CTTNBP2NL: variants seen among roughly 807,000 people sequenced by gnomAD.
The protein encoded by CTTNBP2NL is CTTNBP2 N-terminal-like protein.
CTTNBP2NL carries 16 observed loss-of-function variants against 32.5 expected under a neutral mutation model. The ratio of observed to expected loss-of-function variants is 0.49; its 90% CI spans 0.33 to 0.75. CTTNBP2NL has a LOEUF of 0.75. CTTNBP2NL is among the 30% of genes least tolerant of loss of function. CTTNBP2NL has a pLI of 0.02. For synonymous variants in CTTNBP2NL, 298 were observed against 289.4 expected (o/e 1.03, Z -0.30); for missense variants, 645 against 756.0 (o/e 0.85, Z 1.72).
At chr1:112,425,941 T>C (rs192523477) in intron 3 of CTTNBP2NL, among the ~76,000 whole-genome samples, 2 of 149,248 alleles carry the variant, frequency 1.3e-5, no homozygotes, top group African/African-American at 4.9e-5. Flanking sequence ...ACTTACTTCT[T>C]TCTAATCTGG....
chr1:112,449,426 T>TATG (rs1650155845), intron 4 of CTTNBP2NL, among the ~76,000 whole-genome samples: 3 of 143,706 alleles, frequency 2.1e-5, no homozygotes, highest in Middle Eastern at 3.5e-3. Context: ...TCCAAAACAC[T>TATG]TTGTATGTTT....
intron 3 of CTTNBP2NL, among the ~76,000 whole-genome samples, chr1:112,417,955 T>C (rs1281031423): frequency 6.6e-6 from 1 of 152,208 alleles, no homozygotes; most frequent in Non-Finnish European, 1.5e-5. Flanking sequence ...TATGGCAACT[T>C]ACCAATTTTC....
At chr1:112,406,243 C>CATTAACATTAA (rs1648662155) in intron 1 of CTTNBP2NL, among the ~76,000 whole-genome samples, 1 of 151,962 alleles carries the variant, frequency 6.6e-6, no homozygotes, top group Non-Finnish European at 1.5e-5. Flanking sequence ...ATTAACAACT[C>CATTAACATTAA]TGGCCTCAGT....
intron 3 of CTTNBP2NL, among the ~76,000 whole-genome samples, chr1:112,446,125 T>C (rs189822107): frequency 4.0e-5 from 6 of 151,856 alleles, no homozygotes; most frequent in African/African-American, 1.5e-4. Flanking sequence ...TTCAGCTGCA[T>C]AAAGAGATTA....
intron 1 of CTTNBP2NL, among the ~76,000 whole-genome samples, chr1:112,408,047 ATGT>A (rs1648729222): frequency 1.3e-5 from 2 of 151,488 alleles, no homozygotes; most frequent in African/African-American, 4.8e-5. Flanking sequence ...GGATTTTGCC[ATGT>A]TGTCCAGGCT....
chr1:112,410,208 C>G (rs1648811745), intron 1 of CTTNBP2NL, among the ~76,000 whole-genome samples: 1 of 152,176 alleles, frequency 6.6e-6, no homozygotes, highest in Non-Finnish European at 1.5e-5. Context: ...GCTTGACCAA[C>G]ATGGAGAAAC....
chr1:112,448,388 A>G (rs886606843), intron 3 of CTTNBP2NL, among the ~76,000 whole-genome samples: 3 of 152,234 alleles, frequency 2.0e-5, no homozygotes, highest in African/African-American at 7.2e-5. Context: ...CACACTTTAT[A>G]TATCTGCTGG....
intron 4 of CTTNBP2NL, among the ~76,000 whole-genome samples, chr1:112,450,537 T>G (rs1301222643): frequency 6.6e-6 from 1 of 152,160 alleles, no homozygotes; most frequent in African/African-American, 2.4e-5. Context: ...ACAACATTCT[T>G]GTTTAATAGG....
intron 3 of CTTNBP2NL, among the ~76,000 whole-genome samples, chr1:112,444,782 G>A (rs576779633): frequency 2.0e-5 from 3 of 152,204 alleles, no homozygotes; most frequent in East Asian, 1.9e-4. Context: ...GAATATAGGT[G>A]TTTGGTCTTT....
At chr1:112,455,514 T>G (rs982253768) in intron 5 of CTTNBP2NL, among the ~76,000 whole-genome samples, 5 of 152,134 alleles carry the variant, frequency 3.3e-5, no homozygotes, top group Admixed American at 2.6e-4. Context: ...CAAAAAAAAG[T>G]ATGATTCAAA....
At chr1:112,428,371 T>A (rs896110883) in intron 3 of CTTNBP2NL, among the ~76,000 whole-genome samples, 19 of 152,350 alleles carry the variant, frequency 1.2e-4, no homozygotes, top group Non-Finnish European at 4.4e-5. Flanking sequence ...TTATTCACTT[T>A]GTAGGAAAAT....
intron 1 of CTTNBP2NL, among the ~76,000 whole-genome samples, chr1:112,398,221 T>G (rs1356520829): frequency 6.6e-6 from 1 of 152,214 alleles, no homozygotes; most frequent in African/African-American, 2.4e-5. Context: ...GCAAATAATA[T>G]TCTTTTATTA....
intron 1 of CTTNBP2NL, among the ~76,000 whole-genome samples, chr1:112,409,127 CAA>C (rs36002206): frequency 1.2e-4 from 10 of 80,230 alleles, no homozygotes; most frequent in Admixed American, 2.7e-4. Flanking sequence ...GACTCTGTCT[CAA>C]AAAAAAAAAA....
rs1162744520 is a variant in CTTNBP2NL, at chr1:112,457,352, T to C, written c.1860T>C (p.Ser620=). 2 of 1,614,194 alleles carry C rather than the reference T, an allele frequency of 1.2e-6. No individual in the cohort carries two copies. The highest frequency in any genetic ancestry group is 1.7e-6 in the Non-Finnish European group (2 of 1,180,036). ...CAGAAGACCTTGCCAGCAGCTGCTCTTCCAATACTGTTGTAGCAAATGGTA... is the reference window on the plus strand; with the variant it reads ...CAGAAGACCTTGCCAGCAGCTGCTCCTCCAATACTGTTGTAGCAAATGGTA... ...TTAEDLASSC[S]SNTVVANGKD... is the part of the protein sequence containing the mutation. Residue 620 remains serine, a synonymous_variant, in exon 6 of 6, where the codon TCT becomes TCC. Transcript: ENST00000271277.
At chr1:112,439,934 A>G (rs1570738317) in intron 3 of CTTNBP2NL, among the ~76,000 whole-genome samples, 1 of 152,250 alleles carries the variant, frequency 6.6e-6, no homozygotes, top group African/African-American at 2.4e-5. Context: ...TCCTCTAAAC[A>G]TTAATGATAT....
chr1:112,435,011 C>T (rs140907825), intron 3 of CTTNBP2NL, among the ~76,000 whole-genome samples: 4,327 of 151,926 alleles, frequency 0.028, 199 homozygotes, highest in African/African-American at 0.098. Flanking sequence ...CACATGGTGG[C>T]ACGCACCTGT....
intron 1 of CTTNBP2NL, among the ~76,000 whole-genome samples, chr1:112,410,378 C>T (rs532933480): frequency 2.8e-5 from 4 of 142,126 alleles, no homozygotes; most frequent in African/African-American, 7.8e-5. Context: ...GCAATGAGAG[C>T]GAAACTCCAT....
chr1:112,449,369 C>T lies in CTTNBP2NL; in HGVS notation c.330+197C>T, dbSNP rs1037081148. ...TATTGCAAATGTTAAGTTTAGAGAA[C>T]GTGCCAGACACGTTATTTAAGACAG... On this transcript the variant is annotated intron_variant, in intron 4 of 5. Coordinates refer to ENST00000271277, the MANE Select transcript of CTTNBP2NL (RefSeq NM_018704.3). 6.6e-5 allele frequency among the ~76,000 whole-genome samples: 10 copies of T among 151,294 alleles called. 1 individual carries two copies. Among genetic ancestry groups the T allele is most frequent in the African/African-American group, 1.9e-4 (8 of 41,210 alleles).
At position 112,456,703 on chromosome 1, in the gene CTTNBP2NL, G is replaced by T. The variant is rs1484393380; in HGVS notation, c.1211G>T (p.Ser404Ile). ...ATTGAGACTCCAGTCCCAATGCCCA[G>T]TCCCCTCTCTTCCAGTGGGAGCTCA... ...VGIETPVPMP[S>I]PLSSSGSSLS... is the part of the protein sequence containing the mutation. Residue 404 changes from serine to isoleucine, a missense_variant, in exon 6 of 6, where the codon AGT (serine) becomes ATT (isoleucine). Physicochemically the swap from Ser to Ile is moderately radical, Grantham distance 142 (BLOSUM62 -2). Transcript: ENST00000271277. 6.2e-7 allele frequency: 1 copy of T among 1,614,110 alleles called. No individual in the cohort carries two copies.
Sources: gnomAD v4.1 joint callset for allele counts (sites outside exome capture counted in the v4.1 genomes callset) on GRCh38, gnomAD v4.1.1 for gene constraint, MANE v1.5 for transcripts, NCBI Gene and HGNC (gene_info 2026-07-23, HGNC 2026-07-21) for gene names.